ANKRD10: variants seen among roughly 807,000 people sequenced by gnomAD.
ANKRD10 encodes ankyrin repeat domain-containing protein 10.
In ANKRD10, 14 loss-of-function variants were observed where a neutral mutation model predicts 27.0. That is an observed-to-expected ratio of 0.52 (90% CI 0.34 to 0.81). ANKRD10 has a LOEUF of 0.81. Ranked by LOEUF, ANKRD10 falls within the 40% of genes least tolerant of loss-of-function variation. The probability of loss-of-function intolerance (pLI) is 0.01; values close to 1 mark genes in which losing one functional copy is unlikely to be tolerated. For missense variants in ANKRD10, 493 were observed against 544.0 expected (o/e 0.91, Z 0.93); for synonymous variants, 250 against 224.5 (o/e 1.11, Z -1.01).
chr13:110,900,657 G>A (rs2065357088), intron 3 of ANKRD10: 2 of 1,351,714 alleles, frequency 1.5e-6, no homozygotes, highest in African/African-American at 1.5e-5. Context: ...CCCTTTCTAG[G>A]ATTACTTGAA....
chr13:110,907,692 C>G (rs1484639099), intron 2 of ANKRD10, among the ~76,000 whole-genome samples: 2 of 152,104 alleles, frequency 1.3e-5, no homozygotes, highest in African/African-American at 4.8e-5. Context: ...AACCATGCGG[C>G]TATAAACTAT....
chr13:110,908,284 G>A (rs919195296), intron 2 of ANKRD10, among the ~76,000 whole-genome samples: 1 of 152,136 alleles, frequency 6.6e-6, no homozygotes, highest in Non-Finnish European at 1.5e-5. Context: ...TCTAGAAGAG[G>A]CATATGAAAG....
At chr13:110,881,474 T>A (rs1054966757) in intron 5 of ANKRD10, among the ~76,000 whole-genome samples, 19 of 149,506 alleles carry the variant, frequency 1.3e-4, no homozygotes, top group African/African-American at 3.5e-4. Flanking sequence ...CCTTTTTTTT[T>A]ATATTTAAGC....
chr13:110,885,643 C>A (rs1465383622), intron 4 of ANKRD10, among the ~76,000 whole-genome samples: 4 of 152,138 alleles, frequency 2.6e-5, no homozygotes, highest in Non-Finnish European at 5.9e-5. Flanking sequence ...GTCGTCTCAA[C>A]CTCCAGGAGC....
intron 3 of ANKRD10, among the ~76,000 whole-genome samples, chr13:110,897,848 T>C (rs2065270813): frequency 6.6e-6 from 1 of 152,264 alleles, no homozygotes; most frequent in Admixed American, 6.5e-5. Flanking sequence ...CTCTGCATTC[T>C]CGTCAGCATT....
intron 3 of ANKRD10, chr13:110,900,854 GCA>G: frequency 2.6e-6 from 1 of 379,506 alleles, no homozygotes; most frequent in South Asian, 2.1e-5. Flanking sequence ...AGGTGCAGAA[GCA>G]CACTGAGCTT....
chr13:110,915,003 C>T lies in ANKRD10; in HGVS notation c.-69G>A, dbSNP rs1259445762. 5.4e-6 allele frequency: 8 copies of T among 1,483,570 alleles called. No homozygotes were observed. In the African/African-American group the frequency reaches 5.6e-5, roughly 10 times the overall value. The allele number at this position is 1,483,570 out of a possible 1,614,324, so 91.9% of individuals were successfully genotyped here. ...CGTCGGGGAGGACTCGAGAAGCCGC[C>T]GCCGCAGCACAAAGGAACGAGACTA... On this transcript the variant is annotated 5_prime_UTR_variant, in exon 1 of 6. Transcript: ENST00000267339.
intron 3 of ANKRD10, chr13:110,894,960 G>C (rs2065189097): frequency 6.6e-6 from 1 of 152,082 alleles, no homozygotes; most frequent in Non-Finnish European, 1.5e-5. Flanking sequence ...CATATAGCTG[G>C]ACTTTTTTTT....
chr13:110,882,197 C>T (rs1183286489), intron 5 of ANKRD10, among the ~76,000 whole-genome samples: 1 of 152,172 alleles, frequency 6.6e-6, no homozygotes, highest in Non-Finnish European at 1.5e-5. Context: ...GCAAAGATAG[C>T]TGTACACAGT....
At chr13:110,906,515 C>T (rs1027894739) in intron 2 of ANKRD10, among the ~76,000 whole-genome samples, 1 of 152,118 alleles carries the variant, frequency 6.6e-6, no homozygotes, top group Non-Finnish European at 1.5e-5. Context: ...CAAGAAATAG[C>T]ACATAATAGC....
intron 2 of ANKRD10, among the ~76,000 whole-genome samples, chr13:110,908,127 G>A (rs1348253758): frequency 2.6e-5 from 4 of 152,130 alleles, no homozygotes; most frequent in Admixed American, 6.5e-5. Flanking sequence ...CAGTCACATC[G>A]CAGCCACAGC....
At chr13:110,906,698 G>A (rs1417089744) in intron 2 of ANKRD10, among the ~76,000 whole-genome samples, 1 of 151,930 alleles carries the variant, frequency 6.6e-6, no homozygotes, top group Non-Finnish European at 1.5e-5. Context: ...TTTACTAGAG[G>A]GAATATTTAC....
intron 1 of ANKRD10, chr13:110,914,407 C>T: frequency 4.8e-6 from 1 of 209,082 alleles, no homozygotes; most frequent in East Asian, 1.0e-4. Context: ...CAGGATCCGG[C>T]CAACAGGCGC....
intron 3 of ANKRD10, among the ~76,000 whole-genome samples, chr13:110,899,706 A>G (rs1307749278): frequency 6.8e-6 from 1 of 146,348 alleles, no homozygotes; most frequent in African/African-American, 2.8e-5. Context: ...AAGACTACGA[A>G]AAGCAATCAC....
At chr13:110,903,724 T>C (rs1392872566) in intron 3 of ANKRD10, among the ~76,000 whole-genome samples, 1 of 152,192 alleles carries the variant, frequency 6.6e-6, no homozygotes, top group East Asian at 1.9e-4. Context: ...AATACTGATA[T>C]AAGGCAGCTT....
chr13:110,903,435 T>TA (rs1336497618), intron 3 of ANKRD10: 1 of 154,610 alleles, frequency 6.5e-6, no homozygotes, highest in Non-Finnish European at 1.5e-5. Context: ...ACTCAAGATT[T>TA]AAAATAAGAA....
rs71127979 is a variant in ANKRD10, at chr13:110,892,416, C to CA, written c.691+611dup. On this transcript the variant is annotated intron_variant, in intron 4 of 5. Transcript: ENST00000267339. ...TTGCACTCCAGCCTGGGTGACAGAGCAAAAAAAAAAAAAAAAAAAATGGTG... is the reference window on the plus strand; with the variant it reads ...TTGCACTCCAGCCTGGGTGACAGAGCAAAAAAAAAAAAAAAAAAAAATGGTG... Among the ~76,000 whole-genome samples, 21 of 19,554 alleles carry CA rather than the reference C, an allele frequency of 1.1e-3. 2 individuals carry two copies. The highest frequency in any genetic ancestry group is 4.1e-3 in the East Asian group (1 of 242). 12.8% of individuals were successfully genotyped at this position (19,554 alleles called of 152,430 possible).
chr13:110,887,521 C>CT (rs2064963712), intron 4 of ANKRD10, among the ~76,000 whole-genome samples: 1 of 152,190 alleles, frequency 6.6e-6, no homozygotes, highest in African/African-American at 2.4e-5. Context: ...CTGATCACAA[C>CT]TTTAATCTTT....
In ANKRD10 at chr13:110,880,793, CAG is replaced by C. The variant is rs563302773; in HGVS notation, c.788-683_788-682del. Among the ~76,000 whole-genome samples, 4 of 152,248 alleles carry C rather than the reference CAG, an allele frequency of 2.6e-5. No homozygotes were observed. In the South Asian group the frequency reaches 6.2e-4, roughly 24 times the overall value. On this transcript the variant is annotated intron_variant, in intron 5 of 5. Transcript: ENST00000267339. ...GCCACATGAGAGCAGTGGCAGAATA[CAG>C]AGAGACCGGCGACCACAGCAAGGAA... is the stretch of plus-strand genomic sequence containing the variant.
Sources: allele counts gnomAD v4.1 joint callset (sites outside exome capture counted in the v4.1 genomes callset), GRCh38; gene constraint gnomAD v4.1.1; transcripts MANE v1.5; gene names NCBI Gene and HGNC (gene_info 2026-07-23, HGNC 2026-07-21).